STXBP3: variants seen among roughly 807,000 people sequenced by gnomAD.
STXBP3 encodes syntaxin-binding protein 3.
In STXBP3, 41 loss-of-function variants were observed where a neutral mutation model predicts 85.7. The observed-to-expected ratio is 0.48, with a 90% CI of 0.37 to 0.62. The LOEUF (loss-of-function observed/expected upper bound fraction) is 0.62. Ranked by LOEUF, STXBP3 falls within the 20% of genes least tolerant of loss-of-function variation. The pLI, the probability that STXBP3 is intolerant of heterozygous loss-of-function variation, is 0.00. For missense variants in STXBP3, 563 were observed against 703.1 expected, an observed-to-expected ratio of 0.80 and a Z score of 2.25; for synonymous variants, 229 against 231.7, an observed-to-expected ratio of 0.99 and a Z score of 0.10.
chr1:108,788,011 C>CGAACTCCTGAGCTCA (rs1662895311), intron 11 of STXBP3, among the ~76,000 whole-genome samples: 1 of 152,086 alleles, frequency 6.6e-6, no homozygotes, highest in Admixed American at 6.5e-5. Context: ...AGGCTGGTCT[C>CGAACTCCTGAGCTCA]GAACTCCTGA....
chr1:108,756,436 AATTT>A (rs1203826215), intron 3 of STXBP3, among the ~76,000 whole-genome samples: 1 of 152,130 alleles, frequency 6.6e-6, no homozygotes, highest in East Asian at 1.9e-4. Context: ...ATGAATTATT[AATTT>A]AAGAAATGAA....
At chr1:108,799,152 G>A (rs1663177629) in intron 16 of STXBP3, among the ~76,000 whole-genome samples, 1 of 151,932 alleles carries the variant, frequency 6.6e-6, no homozygotes, top group Non-Finnish European at 1.5e-5. Context: ...CTTTCTTTGG[G>A]GAGCTAATTT....
At chr1:108,799,203 A>G (rs1690725) in intron 16 of STXBP3, among the ~76,000 whole-genome samples, 1 of 152,102 alleles carries the variant, frequency 6.6e-6, no homozygotes, top group Non-Finnish European at 1.5e-5. Flanking sequence ...TTGCTTGGCT[A>G]ATTTTATGTT....
chr1:108,751,918 GT>G (rs769470317), intron 1 of STXBP3, among the ~76,000 whole-genome samples: 7 of 152,002 alleles, frequency 4.6e-5, no homozygotes, highest in Non-Finnish European at 7.4e-5. Flanking sequence ...GTTCCCGTGG[GT>G]TTTTTGTTTT....
At chr1:108,795,060 G>C (rs1365459173) in intron 13 of STXBP3, among the ~76,000 whole-genome samples, 153 bp downstream of exon 13, 1 of 152,100 alleles carries the variant, frequency 6.6e-6, no homozygotes, top group Non-Finnish European at 1.5e-5. Flanking sequence ...AGTATTTAAT[G>C]TCATTCCCCG....
intron 8 of STXBP3, among the ~76,000 whole-genome samples, chr1:108,779,058 G>A (rs1457557820): frequency 6.6e-6 from 1 of 152,018 alleles, no homozygotes; most frequent in African/African-American, 2.4e-5. Flanking sequence ...TTAGATTTTA[G>A]TTATATAGTC....
In STXBP3 at chr1:108,776,341, T is replaced by C. The variant is rs146880558; in HGVS notation, c.602T>C (p.Leu201Pro). ...CTTTTTTCCATTTCTAGTAAACCTCTAGATAATGCCAGTAAGCTTGCACAG... is the reference window on the plus strand; with the variant it reads ...CTTTTTTCCATTTCTAGTAAACCTCCAGATAATGCCAGTAAGCTTGCACAG... ...NPGVRYKSKPLDNASKLAQLV... is the reference protein window; with the variant it reads ...NPGVRYKSKPPDNASKLAQLV... The change falls in exon 8 of 19, where the codon CTA becomes CCA. Residue 201 changes from leucine (L) to proline (P), a missense_variant. Physicochemically the swap from Leu to Pro is moderately conservative, Grantham distance 98. Coordinates refer to ENST00000370008, the MANE Select transcript of STXBP3 (RefSeq NM_007269.4). The C allele has an allele frequency of 3.7e-6, 6 of 1,606,222 alleles. No individual in the cohort carries two copies.
At chr1:108,753,299 C>T (rs1173578112) in intron 3 of STXBP3, 155 bp downstream of exon 3, 5 of 471,024 alleles carry the variant, frequency 1.1e-5, no homozygotes, top group Non-Finnish European at 1.8e-5. Context: ...TCTGAATCTT[C>T]TGTCAGTTTT....
intron 6 of STXBP3, among the ~76,000 whole-genome samples, chr1:108,761,863 C>T (rs1341942720): frequency 6.6e-6 from 1 of 152,022 alleles, no homozygotes; most frequent in African/African-American, 2.4e-5. Flanking sequence ...GTCCCAGCTA[C>T]TTGGGAGCCT....
intron 6 of STXBP3, among the ~76,000 whole-genome samples, chr1:108,766,432 A>G (rs1557803802): frequency 4.6e-5 from 7 of 152,290 alleles, no homozygotes; most frequent in East Asian, 1.9e-4. Flanking sequence ...TAGAATAGCT[A>G]TTCTTTAAAA....
intron 1 of STXBP3, 49 bp from the exon 2 acceptor site, chr1:108,752,206 CTA>C (rs1557798877): frequency 6.5e-7 from 1 of 1,548,720 alleles, no homozygotes; most frequent in South Asian, 1.2e-5. Context: ...CTTTGGATTA[CTA>C]TGTTTCTGTT....
At chr1:108,807,736 C>G (rs1267405368) in intron 18 of STXBP3, among the ~76,000 whole-genome samples, 187 bp downstream of exon 18, 2 of 152,034 alleles carry the variant, frequency 1.3e-5, no homozygotes, top group Non-Finnish European at 2.9e-5. Flanking sequence ...GCCACCACGC[C>G]TGGCTAATTT....
At chr1:108,798,061 T>G in intron 15 of STXBP3, 84 bp from the exon 16 acceptor site, 2 of 1,141,074 alleles carry the variant, frequency 1.8e-6, no homozygotes, top group Non-Finnish European at 2.5e-6. Context: ...TACTGGTAAA[T>G]TAAATATCTT....
In STXBP3 at chr1:108,782,405, C is replaced by G; in HGVS notation, c.810-17C>G. Reference sequence around the variant, plus strand: ...GGAAAAAAATCAAAAAGTTTTAGTGCTTCTGTCTACTTGTAGATATAAAAC... The same window carrying G: ...GGAAAAAAATCAAAAAGTTTTAGTGGTTCTGTCTACTTGTAGATATAAAAC... On this transcript the variant is annotated splice_polypyrimidine_tract_variant and intron_variant, in intron 9 of 18. Coordinates refer to ENST00000370008, the MANE Select transcript of STXBP3 (RefSeq NM_007269.4). 1 of 1,566,374 alleles carries G rather than the reference C, an allele frequency of 6.4e-7. No individual in the cohort carries two copies.
rs745652259 is a variant in STXBP3, at chr1:108,793,157, A to ATTTTTTTTTTTTT, written c.964-411_964-399dup. On this transcript the variant is annotated intron_variant, in intron 11 of 18. Transcript: ENST00000370008. ...CTCACAGCCCCAAGCTCTTATCTCC[A>ATTTTTTTTTTTTT]TTTTTTTTTTTTTTTTTTTTTTTTT... 1.9e-4 allele frequency among the ~76,000 whole-genome samples: 13 copies of ATTTTTTTTTTTTT among 67,488 alleles called. 2 individuals are homozygous for ATTTTTTTTTTTTT. The highest frequency in any genetic ancestry group is 1.4e-3 in the East Asian group (3 of 2,150). The allele number at this position is 67,488 out of a possible 152,430, so 44.3% of individuals were successfully genotyped here.
chr1:108,751,422 T>C (rs1398205584), intron 1 of STXBP3, among the ~76,000 whole-genome samples: 2 of 152,148 alleles, frequency 1.3e-5, no homozygotes, highest in Non-Finnish European at 2.9e-5. Context: ...CAAAAACTTG[T>C]TGATAAATTT....
At chr1:108,776,293 G>T in intron 7 of STXBP3, 40 bp from the exon 8 acceptor site, 1 of 1,427,518 alleles carries the variant, frequency 7.0e-7, no homozygotes, top group Non-Finnish European at 9.7e-7. Context: ...AGTATACACT[G>T]AAAGAAAGAT....
chr1:108,752,394 T>C, intron 2 of STXBP3, 88 bp downstream of exon 2: 1 of 1,237,782 alleles, frequency 8.1e-7, no homozygotes, highest in Non-Finnish European at 1.1e-6. Context: ...TTACATGGTA[T>C]TAGGTATTCT....
chr1:108,752,366 A>G (rs1661922541), intron 2 of STXBP3, 60 bp downstream of exon 2: 1 of 1,474,166 alleles, frequency 6.8e-7, no homozygotes, highest in Non-Finnish European at 9.4e-7. Context: ...ACAATACAGT[A>G]TAAAAACTAC....
Sources: allele counts gnomAD v4.1 joint callset (sites outside exome capture counted in the v4.1 genomes callset), GRCh38; gene constraint gnomAD v4.1.1; transcripts MANE v1.5; gene names NCBI Gene and HGNC (gene_info 2026-07-23, HGNC 2026-07-21).